Variants in TLE6 observed in about 807,000 individuals in gnomAD.
TLE6 encodes the protein TLE family member 6, subcortical maternal complex member, also known as transducin-like enhancer protein 6.
TLE6 carries 72 observed loss-of-function variants against 77.1 expected under a neutral mutation model. The ratio of observed to expected loss-of-function variants is 0.93; its 90% CI spans 0.77 to 1.14. The LOEUF (loss-of-function observed/expected upper bound fraction) is 1.14. Among genes scored for constraint, TLE6 ranks in the 50% most tolerant of loss-of-function variants. The pLI is 0.00. For missense variants in TLE6, 843 were observed against 747.6 expected, an observed-to-expected ratio of 1.13 and a Z score of -1.49; for synonymous variants, 366 against 287.3, an observed-to-expected ratio of 1.27 and a Z score of -2.77.
chr19:2,977,904 C>A (rs889274643), intron 1 of TLE6, among the ~76,000 whole-genome samples: 12 of 152,130 alleles, frequency 7.9e-5, no homozygotes, highest in Non-Finnish European at 1.8e-4. Flanking sequence ...CTGGGCTCCC[C>A]CGTCCCTGAC....
chr19:2,990,979 A>G (rs1367687556), intron 13 of TLE6, among the ~76,000 whole-genome samples: 1 of 151,502 alleles, frequency 6.6e-6, no homozygotes, highest in African/African-American at 2.4e-5. Flanking sequence ...TGGGTCACAG[A>G]GTGAGACTCT....
intron 5 of TLE6, among the ~76,000 whole-genome samples, 187 bp downstream of exon 5, chr19:2,982,376 AAAAAT>A (rs2088815853): frequency 6.6e-6 from 1 of 151,842 alleles, no homozygotes; most frequent in Middle Eastern, 3.4e-3. Context: ...CGTCTCTACT[AAAAAT>A]AAAAAAATTA....
chr19:2,993,695 G>C, intron 15 of TLE6, 113 bp downstream of exon 15: 1 of 1,381,824 alleles, frequency 7.2e-7, no homozygotes, highest in South Asian at 1.5e-5. Flanking sequence ...GAACCCTTCT[G>C]TAGCAGAAAC....
intron 14 of TLE6, among the ~76,000 whole-genome samples, chr19:2,993,223 C>A (rs182934540): frequency 3.9e-4 from 60 of 152,196 alleles, no homozygotes; most frequent in Middle Eastern, 6.8e-3. Context: ...AATAAACACT[C>A]ATGCTGTATC....
rs757330150 is a variant in TLE6 at position 2,980,840 on chromosome 19, C to T, written c.134+658C>T. On this transcript the variant is annotated intron_variant, in intron 3 of 16. Transcript: ENST00000246112. Reference sequence around the variant, plus strand: ...CAGAGGCAGGAAGATCGCTTGAGCCCGGAGTTCAATACCAGCCTTGGCAAC... The same window carrying T: ...CAGAGGCAGGAAGATCGCTTGAGCCTGGAGTTCAATACCAGCCTTGGCAAC... Among the ~76,000 whole-genome samples the T allele has an allele frequency of 5.3e-5, 8 of 151,578 alleles. No homozygotes were observed. In the East Asian group the frequency reaches 5.8e-4, roughly 11 times the overall value.
chr19:2,995,071 A>G lies in TLE6; in HGVS notation c.*67A>G. On this transcript the variant is annotated 3_prime_UTR_variant, in exon 17 of 17. Coordinates refer to ENST00000246112, the MANE Select transcript of TLE6 (RefSeq NM_001143986.2). ...TCCCCCCCCTTCCCCCCCCCCAACA[A>G]GGGGGACATGGTGGAGGGAAGCGGG... 3.2e-6 allele frequency: 3 copies of G among 943,694 alleles called. No individual in the cohort carries two copies. The highest frequency in any genetic ancestry group is 4.9e-6 in the Non-Finnish European group (3 of 615,416). 58.5% of individuals were successfully genotyped at this position (943,694 alleles called of 1,614,324 possible). A position where few individuals can be genotyped will look rare whatever the true frequency, so the allele number is the denominator to read the frequency against.
intron 12 of TLE6, 69 bp downstream of exon 12, chr19:2,989,382 C>T (rs3746075): frequency 6.9e-6 from 11 of 1,596,268 alleles, no homozygotes; most frequent in East Asian, 2.2e-5. Flanking sequence ...TTGAGTCTGG[C>T]AGAGCCCAGA....
At chr19:2,982,553 A>G (rs1485304274) in intron 5 of TLE6, among the ~76,000 whole-genome samples, 5 of 150,986 alleles carry the variant, frequency 3.3e-5, no homozygotes, top group African/African-American at 1.2e-4. Context: ...AAAAAAAAAA[A>G]AAAAGGAGGT....
Position 2,991,915 on chromosome 19 carries a change from G to A in TLE6, c.1317G>A (p.Pro439=), listed in dbSNP as rs763264438. Residue 439 remains proline (P), a synonymous_variant, in exon 14 of 17, where the codon CCG becomes CCA. Transcript: ENST00000246112. Reference sequence around the variant, plus strand: ...GCTACAACATCTGGACTGGGGGTCCGGATGCCTGTCTGCGGTGCTGGGACC... The same window carrying A: ...GCTACAACATCTGGACTGGGGGTCCAGATGCCTGTCTGCGGTGCTGGGACC... The part of the protein sequence containing the change: ...VKGYNIWTGG[P]DACLRCWDQR... The A allele has an allele frequency of 1.9e-5, 31 of 1,613,792 alleles. No homozygotes were observed. Among genetic ancestry groups the A allele is most frequent in the East Asian group, 1.6e-4 (7 of 44,870 alleles).
At chr19:2,991,395 TACACAC>T (rs373594184) in intron 13 of TLE6, among the ~76,000 whole-genome samples, 16,516 of 113,892 alleles carry the variant, frequency 0.15, 1,317 homozygotes, top group Middle Eastern at 0.18. Flanking sequence ...TATATATATA[TACACAC>T]ACACACACAC....
At chr19:2,982,898 C>T (rs2088828119) in intron 5 of TLE6, among the ~76,000 whole-genome samples, 1 of 152,058 alleles carries the variant, frequency 6.6e-6, no homozygotes. Flanking sequence ...TGTTCCCCTG[C>T]GTGTCTGAGT....
intron 4 of TLE6, 71 bp from the exon 5 acceptor site, chr19:2,982,077 A>G: frequency 6.7e-7 from 1 of 1,501,030 alleles, no homozygotes. Context: ...GAGGTAGAGC[A>G]GCTTGCCCAG....
At chr19:2,983,883 G>C (rs1568210788) in intron 5 of TLE6, 1 of 152,706 alleles carries the variant, frequency 6.5e-6, no homozygotes, top group Admixed American at 6.5e-5. Context: ...GGAGGAACTT[G>C]ACCGCAGCTG....
intron 1 of TLE6, 111 bp from the exon 2 acceptor site, chr19:2,978,084 GGTC>G (rs759521400): frequency 4.2e-6 from 3 of 719,856 alleles, no homozygotes; most frequent in Non-Finnish European, 4.8e-6. Flanking sequence ...CGCAGGATTG[GGTC>G]CCTGGAGACT....
chr19:2,992,023 C>G (rs967257921), intron 14 of TLE6, 39 bp downstream of exon 14: 2 of 1,603,862 alleles, frequency 1.2e-6, no homozygotes, highest in Admixed American at 3.4e-5. Flanking sequence ...GCCAGGCATC[C>G]TCTGGTCCTC....
At chr19:2,987,995 G>A (rs1568214327) in intron 10 of TLE6, 21 bp downstream of exon 10, 1 of 1,605,484 alleles carries the variant, frequency 6.2e-7, no homozygotes, top group Non-Finnish European at 8.5e-7. Flanking sequence ...GGCCCGAGCT[G>A]GTAGCCCAGC....
intron 2 of TLE6, among the ~76,000 whole-genome samples, chr19:2,978,977 G>A (rs532048555): frequency 1.8e-4 from 27 of 152,018 alleles, no homozygotes; most frequent in Non-Finnish European, 2.9e-4. Flanking sequence ...TGTTTGAGAC[G>A]GAGTCTCACA....
chr19:2,982,747 C>T (rs771782643), intron 5 of TLE6, among the ~76,000 whole-genome samples: 10 of 152,064 alleles, frequency 6.6e-5, no homozygotes, highest in Non-Finnish European at 1.3e-4. Flanking sequence ...GGGAGCATCT[C>T]CTGTCCTGTC....
In TLE6 at chr19:2,980,258, T is replaced by C. The variant is rs946527382; in HGVS notation, c.134+76T>C. On this transcript the variant is annotated intron_variant, in intron 3 of 16. Coordinates refer to ENST00000246112, the MANE Select transcript of TLE6 (RefSeq NM_001143986.2). ...CTGGCCTCTCTCCCGGGGGTCCTAG[T>C]GAGTGGTCTAGAGGCTGCTGGCCCA... The C allele has an allele frequency of 5.3e-6, 7 of 1,309,308 alleles. No homozygotes were observed. In the African/African-American group the frequency reaches 8.9e-5, roughly 17 times the overall value. 81.1% of individuals were successfully genotyped at this position (1,309,308 alleles called of 1,614,324 possible). A position where few individuals can be genotyped will look rare whatever the true frequency, so the allele number is the denominator to read the frequency against.
Sources: allele counts gnomAD v4.1 joint callset (sites outside exome capture counted in the v4.1 genomes callset), GRCh38; gene constraint gnomAD v4.1.1; transcripts MANE v1.5; gene names NCBI Gene and HGNC (gene_info 2026-07-23, HGNC 2026-07-21).